The following PPP2R5E variants were observed in gnomAD, a reference collection of about 807,000 sequenced individuals.
The protein encoded by PPP2R5E is serine/threonine-protein phosphatase 2A 56 kDa regulatory subunit epsilon isoform.
PPP2R5E carries 4 observed loss-of-function variants against 65.3 expected under a neutral mutation model. That is an observed-to-expected ratio of 0.06 (90% CI 0.03 to 0.14). The LOEUF is 0.14. PPP2R5E is among the 10% of genes least tolerant of loss of function. The probability of loss-of-function intolerance (pLI) is 1.00; values close to 1 mark genes in which losing one functional copy is unlikely to be tolerated. For synonymous variants in PPP2R5E, 183 were observed against 187.4 expected (o/e 0.98, Z 0.19); for missense variants, 274 against 556.1 (o/e 0.49, Z 5.10).
At chr14:63,440,039 T>C (rs1215510635) in intron 3 of PPP2R5E, among the ~76,000 whole-genome samples, 1 of 152,210 alleles carries the variant, frequency 6.6e-6, no homozygotes, top group Non-Finnish European at 1.5e-5. Context: ...GGGGCCCCTC[T>C]ATGATGCACA....
chr14:63,528,081 C>A (rs938068322), intron 2 of PPP2R5E, among the ~76,000 whole-genome samples: 1 of 150,930 alleles, frequency 6.6e-6, no homozygotes, highest in African/African-American at 2.4e-5. Flanking sequence ...AAAAAAAAAA[C>A]CTTCAAATAC....
intron 6 of PPP2R5E, among the ~76,000 whole-genome samples, chr14:63,395,968 G>C (rs1885356863): frequency 1.0e-4 from 1 of 9,612 alleles, no homozygotes; most frequent in Non-Finnish European, 2.3e-4. Flanking sequence ...GAGGAGAAGG[G>C]GGAGGGGGAG....
chr14:63,374,635 A>AT lies in PPP2R5E; in HGVS notation c.*1373dup, dbSNP rs1491135493. The AT allele has an allele frequency of 0.027, 169 of 6,356 alleles. 1 individual carries two copies. The highest frequency in any genetic ancestry group is 0.16 in the East Asian group (30 of 188). 0.4% of individuals were successfully genotyped at this position (6,356 alleles called of 1,614,324 possible). A position where few individuals can be genotyped will look rare whatever the true frequency, so the allele number is the denominator to read the frequency against. ...AAATACAAAGCAGAGAGCCAATAAGATATATATATATATATATATATATAT... is the reference window on the plus strand; with the variant it reads ...AAATACAAAGCAGAGAGCCAATAAGATTATATATATATATATATATATATAT... On this transcript the variant is annotated 3_prime_UTR_variant, in exon 14 of 14. Transcript: ENST00000337537.
At chr14:63,389,939 G>C (rs17101144) in intron 10 of PPP2R5E, among the ~76,000 whole-genome samples, 11,616 of 151,956 alleles carry the variant, frequency 0.076, 1,492 homozygotes, top group African/African-American at 0.26. Flanking sequence ...TACGTACTTG[G>C]AAAAAATACT....
intron 2 of PPP2R5E, among the ~76,000 whole-genome samples, chr14:63,474,266 G>A (rs1334563696): frequency 2.0e-5 from 3 of 152,110 alleles, no homozygotes; most frequent in African/African-American, 7.2e-5. Flanking sequence ...AGACAGAGAG[G>A]GATCAAAGGT....
intron 8 of PPP2R5E, among the ~76,000 whole-genome samples, chr14:63,392,614 T>C (rs2139782862): frequency 6.6e-6 from 1 of 152,340 alleles, no homozygotes. Flanking sequence ...AAATATGATA[T>C]CCCATTTCAA....
chr14:63,508,036 T>G lies in PPP2R5E; in HGVS notation c.157+31493A>C, dbSNP rs535585278. ...GAGATCCAGCTTGAGTGGCACCTAA[T>G]GCCTTTGGGATCCAATGTAATAGCC... is the stretch of plus-strand genomic sequence containing the variant. On this transcript the variant is annotated intron_variant, in intron 2 of 13. Coordinates refer to ENST00000337537, the MANE Select transcript of PPP2R5E (RefSeq NM_006246.5). The G allele has an allele frequency of 1.5e-5, 9 of 585,894 alleles. No homozygotes were observed. The South Asian group carries it at 6.7e-4, about 44-fold the overall frequency. 36.3% of individuals were successfully genotyped at this position (585,894 alleles called of 1,614,324 possible).
intron 3 of PPP2R5E, among the ~76,000 whole-genome samples, chr14:63,439,817 T>A (rs984713887): frequency 2.6e-5 from 4 of 152,168 alleles, no homozygotes. Context: ...TTAACTCCCC[T>A]TGCTCTGAAT....
At chr14:63,510,709 A>ACCTCATGT (rs1287233930) in intron 2 of PPP2R5E, among the ~76,000 whole-genome samples, 1 of 152,250 alleles carries the variant, frequency 6.6e-6, no homozygotes, top group African/African-American at 2.4e-5. Flanking sequence ...GAGGTCAAAG[A>ACCTCATGT]AAGAGCCACA....
intron 11 of PPP2R5E, among the ~76,000 whole-genome samples, chr14:63,388,394 C>T (rs895948095): frequency 6.6e-6 from 1 of 152,226 alleles, no homozygotes; most frequent in Non-Finnish European, 1.5e-5. Context: ...CCGCCTCAGC[C>T]TCCCAAAGTG....
intron 2 of PPP2R5E, among the ~76,000 whole-genome samples, chr14:63,509,574 GC>G (rs1244387898): frequency 1.3e-5 from 2 of 152,084 alleles, no homozygotes; most frequent in African/African-American, 4.8e-5. Flanking sequence ...GCTGTGCCAG[GC>G]CTAATTTTAA....
chr14:63,446,287 C>T (rs1257084655), intron 3 of PPP2R5E, among the ~76,000 whole-genome samples: 1 of 152,074 alleles, frequency 6.6e-6, no homozygotes, highest in Non-Finnish European at 1.5e-5. Context: ...TGGAATCAAC[C>T]CCTTCCAAAC....
intron 3 of PPP2R5E, among the ~76,000 whole-genome samples, chr14:63,436,735 T>C (rs956015879): frequency 5.3e-5 from 8 of 152,204 alleles, no homozygotes; most frequent in Non-Finnish European, 1.2e-4. Context: ...TTAGTTCCTC[T>C]GAAGGAAACC....
intron 5 of PPP2R5E, among the ~76,000 whole-genome samples, chr14:63,397,502 TAAAAAAAAAAAAAAA>T (rs1163450765): frequency 4.8e-5 from 3 of 62,294 alleles, no homozygotes; most frequent in African/African-American, 1.3e-4. Flanking sequence ...ATTCGGTCTT[TAAAAAAAAAAAAAAA>T]AAAAAAAAAA....
At chr14:63,423,285 C>T (rs1887140998) in intron 3 of PPP2R5E, among the ~76,000 whole-genome samples, 2 of 152,108 alleles carry the variant, frequency 1.3e-5, no homozygotes, top group South Asian at 4.1e-4. Flanking sequence ...TAAGTAGAAA[C>T]CAGGTTTCAC....
At chr14:63,380,300 T>C (rs1884270695) in intron 13 of PPP2R5E, among the ~76,000 whole-genome samples, 2 of 152,090 alleles carry the variant, frequency 1.3e-5, no homozygotes, top group Admixed American at 1.3e-4. Context: ...CCTTTAAAGA[T>C]TTTAAGTTTG....
At chr14:63,505,310 A>G (rs182506870) in intron 2 of PPP2R5E, among the ~76,000 whole-genome samples, 150 of 149,362 alleles carry the variant, frequency 1.0e-3, no homozygotes, top group African/African-American at 3.7e-3. Context: ...TACTAAGACC[A>G]TCTAATCTGG....
chr14:63,394,226 G>A (rs111520367), intron 7 of PPP2R5E, among the ~76,000 whole-genome samples: 5,420 of 151,894 alleles, frequency 0.036, 256 homozygotes, highest in African/African-American at 0.11. Context: ...GGGATTACAG[G>A]CACCCACCAC....
chr14:63,539,045 CAA>C (rs1893783982), intron 2 of PPP2R5E, among the ~76,000 whole-genome samples: 1 of 152,032 alleles, frequency 6.6e-6, no homozygotes, highest in South Asian at 2.1e-4. Flanking sequence ...TATGTGAAAA[CAA>C]GAGTGCATGT....
Sources: gnomAD v4.1 joint callset for allele counts (sites outside exome capture counted in the v4.1 genomes callset) on GRCh38, gnomAD v4.1.1 for gene constraint, MANE v1.5 for transcripts, NCBI Gene and HGNC (gene_info 2026-07-23, HGNC 2026-07-21) for gene names.